The following PLA2G4A variants were observed in gnomAD, a reference collection of about 807,000 sequenced individuals.
PLA2G4A encodes phospholipase A2 group IVA.
In PLA2G4A, 40 loss-of-function variants were observed where a neutral mutation model predicts 81.9. The observed-to-expected ratio is 0.49, with a 90% confidence interval of 0.38 to 0.64. The LOEUF is 0.64. Ranked by LOEUF, PLA2G4A falls within the 30% of genes least tolerant of loss-of-function variation. The probability of loss-of-function intolerance (pLI) is 0.00; values close to 1 mark genes in which losing one functional copy is unlikely to be tolerated. For missense variants in PLA2G4A, 715 were observed against 905.1 expected (o/e 0.79, Z 2.69); for synonymous variants, 302 against 296.9 (o/e 1.02, Z -0.18).
intron 17 of PLA2G4A, among the ~76,000 whole-genome samples, chr1:186,980,158 C>A (rs1182731659): frequency 6.6e-6 from 1 of 152,074 alleles, no homozygotes; most frequent in East Asian, 1.9e-4. Context: ...CCGTGTTAGT[C>A]TCCATCTCCT....
chr1:186,987,367 G>T (rs1657923922), intron 17 of PLA2G4A, among the ~76,000 whole-genome samples: 2 of 152,262 alleles, frequency 1.3e-5, no homozygotes, highest in Admixed American at 1.3e-4. Context: ...CCTGTGGCAA[G>T]GGGCTGAAAA....
intron 14 of PLA2G4A, among the ~76,000 whole-genome samples, chr1:186,956,591 C>G (rs149776707): frequency 6.6e-6 from 1 of 152,004 alleles, no homozygotes; most frequent in Non-Finnish European, 1.5e-5. Flanking sequence ...CATGGCTCAC[C>G]GCATCCTTAA....
At chr1:186,955,104 A>G (rs1467486854) in intron 13 of PLA2G4A, among the ~76,000 whole-genome samples, 2 of 152,200 alleles carry the variant, frequency 1.3e-5, no homozygotes, top group Non-Finnish European at 2.9e-5. Context: ...ATGACCATAC[A>G]ATATAATTTC....
intron 3 of PLA2G4A, among the ~76,000 whole-genome samples, chr1:186,873,207 C>G (rs1324622438): frequency 6.6e-6 from 1 of 151,912 alleles, no homozygotes; most frequent in African/African-American, 2.4e-5. Flanking sequence ...GTGGGAGACT[C>G]TGGTGAGAAA....
intron 8 of PLA2G4A, among the ~76,000 whole-genome samples, chr1:186,934,268 C>T (rs576112504): frequency 1.3e-5 from 2 of 151,830 alleles, no homozygotes; most frequent in South Asian, 4.2e-4. Context: ...TTAAACTCAT[C>T]TAATAAAGCA....
intron 1 of PLA2G4A, among the ~76,000 whole-genome samples, chr1:186,852,318 C>G (rs1425174961): frequency 6.6e-6 from 1 of 151,970 alleles, no homozygotes; most frequent in East Asian, 1.9e-4. Flanking sequence ...TCAGGGAAGA[C>G]TCCACTGGAA....
intron 3 of PLA2G4A, among the ~76,000 whole-genome samples, chr1:186,891,011 A>G (rs1367989324): frequency 1.3e-5 from 2 of 152,206 alleles, no homozygotes; most frequent in Non-Finnish European, 2.9e-5. Flanking sequence ...AGGCAACTCT[A>G]TAACAATAAA....
chr1:186,986,249 A>C (rs919085054), intron 17 of PLA2G4A, among the ~76,000 whole-genome samples: 8 of 152,214 alleles, frequency 5.3e-5, no homozygotes, highest in South Asian at 2.1e-4. Context: ...TTTTATGCTC[A>C]AGAATTCATT....
chr1:186,943,840 T>C (rs550728089), intron 10 of PLA2G4A, among the ~76,000 whole-genome samples: 1 of 152,296 alleles, frequency 6.6e-6, no homozygotes, highest in South Asian at 2.1e-4. Context: ...CAGAAATATT[T>C]TTATTTGATT....
intron 5 of PLA2G4A, among the ~76,000 whole-genome samples, chr1:186,899,468 T>C (rs1432525619): frequency 1.3e-5 from 2 of 152,070 alleles, no homozygotes; most frequent in Non-Finnish European, 2.9e-5. Flanking sequence ...GGGCAGAAGG[T>C]AGTCCTGGTG....
chr1:186,870,502 C>T lies in PLA2G4A; in HGVS notation c.101C>T (p.Ala34Val), dbSNP rs1159835204. ...VLRATKVTKG[A>V]FGDMLDTPDP... Reference sequence around the variant, plus strand: ...CGTGCCACCAAAGTGACAAAGGGGGCCTTTGGTGACATGCGTAAGTGCCCT... The same window carrying T: ...CGTGCCACCAAAGTGACAAAGGGGGTCTTTGGTGACATGCGTAAGTGCCCT... The change falls in exon 3 of 18, where the codon GCC becomes GTC. Residue 34 changes from alanine to valine, a missense_variant. Transcript: ENST00000367466. 2.5e-6 allele frequency: 4 copies of T among 1,607,682 alleles called. No homozygotes were observed. In the Admixed American group the frequency reaches 5.0e-5, roughly 20 times the overall value.
At chr1:186,887,660 G>T (rs894536972) in intron 3 of PLA2G4A, among the ~76,000 whole-genome samples, 7 of 152,242 alleles carry the variant, frequency 4.6e-5, no homozygotes, top group African/African-American at 1.7e-4. Context: ...ACACGCAATT[G>T]CCCTATAGGT....
intron 3 of PLA2G4A, among the ~76,000 whole-genome samples, chr1:186,879,929 T>A (rs2102078339): frequency 6.6e-6 from 1 of 151,996 alleles, no homozygotes; most frequent in East Asian, 1.9e-4. Context: ...CATGTTGGTG[T>A]GCTGCACCCA....
At chr1:186,902,120 C>G (rs1174362337) in intron 5 of PLA2G4A, among the ~76,000 whole-genome samples, 7 of 152,152 alleles carry the variant, frequency 4.6e-5, no homozygotes, top group Non-Finnish European at 7.3e-5. Context: ...TAGCACGTTA[C>G]TGCACTGAAT....
intron 13 of PLA2G4A, among the ~76,000 whole-genome samples, chr1:186,955,497 C>T (rs1232612684): frequency 3.9e-5 from 6 of 151,920 alleles, no homozygotes; most frequent in Admixed American, 3.9e-4. Context: ...AGGAAGAAAT[C>T]AATTCAGGAA....
intron 3 of PLA2G4A, among the ~76,000 whole-genome samples, chr1:186,883,178 C>T (rs766669890): frequency 1.3e-5 from 2 of 151,860 alleles, no homozygotes; most frequent in Non-Finnish European, 2.9e-5. Context: ...TAGGGAGACA[C>T]TGACATTTAT....
intron 7 of PLA2G4A, among the ~76,000 whole-genome samples, chr1:186,928,056 C>T (rs767135625): frequency 2.2e-4 from 34 of 152,114 alleles, no homozygotes; most frequent in African/African-American, 8.2e-4. Flanking sequence ...GGTCAGGTTT[C>T]AGGAATCAAG....
At chr1:186,944,932 A>T (rs1656284926) in intron 10 of PLA2G4A, among the ~76,000 whole-genome samples, 1 of 152,176 alleles carries the variant, frequency 6.6e-6, no homozygotes, top group African/African-American at 2.4e-5. Flanking sequence ...ATGAATTCAG[A>T]TTAGATTTTA....
chr1:186,930,435 G>T (rs892823690), intron 7 of PLA2G4A, among the ~76,000 whole-genome samples: 1 of 152,154 alleles, frequency 6.6e-6, no homozygotes, highest in Non-Finnish European at 1.5e-5. Context: ...TTCAGTATGT[G>T]TCGGGCTGTT....
Sources: allele counts gnomAD v4.1 joint callset (sites outside exome capture counted in the v4.1 genomes callset), GRCh38; gene constraint gnomAD v4.1.1; transcripts MANE v1.5; gene names NCBI Gene and HGNC (gene_info 2026-07-23, HGNC 2026-07-21).